EYS: variants seen among roughly 807,000 people sequenced by gnomAD.
EYS encodes the protein protein eyes shut homolog.
EYS carries 250 observed loss-of-function variants against 282.1 expected under a neutral mutation model. The ratio of observed to expected loss-of-function variants is 0.89; its 90% CI spans 0.80 to 0.98. The LOEUF is 0.98. EYS is among the 50% of genes least tolerant of loss of function. The pLI is 0.00. For synonymous variants in EYS, 1,355 were observed against 1,282.9 expected (o/e 1.06, Z -1.20); for missense variants, 4,016 against 3,709.0 (o/e 1.08, Z -2.15).
At chr6:65,015,908 G>T (rs898527433) in intron 13 of EYS, among the ~76,000 whole-genome samples, 2 of 146,242 alleles carry the variant, frequency 1.4e-5, no homozygotes, top group African/African-American at 5.1e-5. Flanking sequence ...AGCTGGGCAT[G>T]GTAGCGCACC....
intron 2 of EYS, among the ~76,000 whole-genome samples, chr6:65,557,356 C>G: frequency 6.6e-6 from 1 of 152,174 alleles, no homozygotes; most frequent in East Asian, 1.9e-4. Context: ...GGCAGGCATG[C>G]CAGCTACTGC....
chr6:64,897,452 AC>A (rs745968552), intron 18 of EYS, among the ~76,000 whole-genome samples: 6 of 152,190 alleles, frequency 3.9e-5, no homozygotes, highest in Non-Finnish European at 1.5e-5. Context: ...TCCGAAGGTT[AC>A]CAACAGCAAA....
At chr6:63,892,905 C>A (rs1344058022) in intron 35 of EYS, among the ~76,000 whole-genome samples, 1 of 152,126 alleles carries the variant, frequency 6.6e-6, no homozygotes, top group African/African-American at 2.4e-5. Flanking sequence ...ACAACCCCAT[C>A]CAAAAGTAGG....
intron 41 of EYS, among the ~76,000 whole-genome samples, chr6:63,752,354 T>C (rs1339550823): frequency 6.6e-6 from 1 of 150,706 alleles, no homozygotes; most frequent in Non-Finnish European, 1.5e-5. Context: ...CTTATGACAA[T>C]ATATTTATAG....
intron 31 of EYS, among the ~76,000 whole-genome samples, chr6:64,126,553 C>T (rs1007921825): frequency 6.6e-6 from 1 of 151,980 alleles, no homozygotes; most frequent in Non-Finnish European, 1.5e-5. Context: ...CAAAACATCA[C>T]GTTCTGCACA....
chr6:65,675,384 C>G (rs536713894), intron 1 of EYS, among the ~76,000 whole-genome samples: 2 of 151,780 alleles, frequency 1.3e-5, no homozygotes, highest in East Asian at 3.9e-4. Context: ...CTCACTTTAG[C>G]TTTAAGGATG....
intron 33 of EYS, among the ~76,000 whole-genome samples, chr6:64,027,002 A>C (rs1313813063): frequency 6.6e-6 from 1 of 152,206 alleles, no homozygotes; most frequent in Non-Finnish European, 1.5e-5. Flanking sequence ...CTACCGTTAG[A>C]TCAAACGCTG....
intron 12 of EYS, among the ~76,000 whole-genome samples, chr6:65,233,921 G>A (rs951522507): frequency 1.3e-5 from 2 of 151,944 alleles, no homozygotes; most frequent in African/African-American, 4.8e-5. Context: ...CCTGAGTGAG[G>A]GCAACCCAGC....
intron 26 of EYS, among the ~76,000 whole-genome samples, chr6:64,561,918 C>CT (rs1765405708): frequency 1.1e-5 from 1 of 89,460 alleles, no homozygotes; most frequent in Non-Finnish European, 2.4e-5. Flanking sequence ...TCACATGGAA[C>CT]CAAAAAAAAA....
chr6:65,534,671 G>A (rs926831161), intron 2 of EYS, among the ~76,000 whole-genome samples: 2 of 152,036 alleles, frequency 1.3e-5, no homozygotes, highest in African/African-American at 4.8e-5. Context: ...TGGATGTCCT[G>A]GTTCTAGTTA....
intron 30 of EYS, among the ~76,000 whole-genome samples, chr6:64,274,331 C>T (rs1234651234): frequency 3.3e-5 from 5 of 152,014 alleles, no homozygotes; most frequent in African/African-American, 7.2e-5. Context: ...CGCGCCACCA[C>T]GCCGGGCTAA....
intron 26 of EYS, among the ~76,000 whole-genome samples, chr6:64,463,095 C>T (rs1023961032): frequency 2.0e-5 from 3 of 151,580 alleles, no homozygotes; most frequent in Non-Finnish European, 2.9e-5. Flanking sequence ...TACAGGTGCC[C>T]GCCACCACGC....
intron 22 of EYS, among the ~76,000 whole-genome samples, chr6:64,644,871 C>A (rs544975336): frequency 6.6e-6 from 1 of 152,212 alleles, no homozygotes; most frequent in African/African-American, 2.4e-5. Flanking sequence ...AAAAGATGTA[C>A]ATTTACTGGA....
At chr6:64,010,991 ATATTT>A (rs1181599078) in intron 33 of EYS, among the ~76,000 whole-genome samples, 8 of 151,866 alleles carry the variant, frequency 5.3e-5, no homozygotes, top group African/African-American at 1.7e-4. Flanking sequence ...ATTCCCTTAT[ATATTT>A]TATTTATCTT....
At chr6:64,873,992 G>A (rs1041509260) in intron 19 of EYS, among the ~76,000 whole-genome samples, 1 of 151,836 alleles carries the variant, frequency 6.6e-6, no homozygotes, top group Admixed American at 6.6e-5. Flanking sequence ...CCCATTAAAA[G>A]CCACAATTAA....
At chr6:65,185,872 G>T (rs754610533) in intron 12 of EYS, among the ~76,000 whole-genome samples, 2 of 151,712 alleles carry the variant, frequency 1.3e-5, no homozygotes, top group Non-Finnish European at 2.9e-5. Flanking sequence ...AGAATTTAAA[G>T]TAGAAGTCCC....
intron 22 of EYS, among the ~76,000 whole-genome samples, chr6:64,730,588 C>T (rs1273632378): frequency 6.6e-6 from 1 of 152,130 alleles, no homozygotes; most frequent in Non-Finnish European, 1.5e-5. Context: ...AAGCAATTCT[C>T]CTGCCTCAGC....
At chr6:64,533,916 T>C (rs560906773) in intron 26 of EYS, among the ~76,000 whole-genome samples, 1 of 152,084 alleles carries the variant, frequency 6.6e-6, no homozygotes, top group African/African-American at 2.4e-5. Context: ...ATAGGGTTTA[T>C]ATCACATGCA....
At chr6:64,810,106 T>C (rs1230826478) in intron 22 of EYS, among the ~76,000 whole-genome samples, 1 of 47,232 alleles carries the variant, frequency 2.1e-5, no homozygotes, top group East Asian at 5.8e-4. Context: ...TCAGTATCAA[T>C]CATCTGCATA....
Sources: allele counts gnomAD v4.1 joint callset (sites outside exome capture counted in the v4.1 genomes callset), GRCh38; gene constraint gnomAD v4.1.1; transcripts MANE v1.5; gene names NCBI Gene and HGNC (gene_info 2026-07-23, HGNC 2026-07-21).